Variants in EXOC4 observed in about 807,000 individuals in gnomAD.
The protein encoded by EXOC4 is SEC8-like 1.
In EXOC4, 71 loss-of-function variants were observed where a neutral mutation model predicts 107.2. That is an observed-to-expected ratio of 0.66 (90% confidence interval 0.55 to 0.81). The LOEUF (loss-of-function observed/expected upper bound fraction) is 0.81. EXOC4 is among the 30% of genes least tolerant of loss of function. EXOC4 has a pLI of 0.00. For synonymous variants in EXOC4, 456 were observed against 441.2 expected, an observed-to-expected ratio of 1.03 and a Z score of -0.42; for missense variants, 1,108 against 1,189.6, an observed-to-expected ratio of 0.93 and a Z score of 1.01.
chr7:134,074,587 G>A, the EXOC4 span, among the ~76,000 whole-genome samples: 1 of 152,206 alleles, frequency 6.6e-6, no homozygotes, highest in East Asian at 1.9e-4. Flanking sequence ...AAAGGGAGGA[G>A]GCCCAAGAGG....
At chr7:133,908,526 G>C (rs1354211406) in intron 12 of EXOC4, among the ~76,000 whole-genome samples, 2 of 152,232 alleles carry the variant, frequency 1.3e-5, no homozygotes, top group Non-Finnish European at 1.5e-5. Context: ...AGAACAGCGG[G>C]TCTGGGTTCA....
At chr7:133,378,040 A>G (rs1036965813) in intron 7 of EXOC4, among the ~76,000 whole-genome samples, 1 of 151,970 alleles carries the variant, frequency 6.6e-6, no homozygotes, top group South Asian at 2.1e-4. Flanking sequence ...GCCATGCGCG[A>G]TGGCTCATGC....
At position 134,064,800 on chromosome 7, in the gene EXOC4, G is replaced by A; in HGVS notation, c.*272G>A. 1 of 233,062 alleles carries A rather than the reference G, an allele frequency of 4.3e-6. No individual in the cohort carries two copies. 14.4% of individuals were successfully genotyped at this position (233,062 alleles called of 1,614,324 possible). On this transcript the variant is annotated 3_prime_UTR_variant, in exon 18 of 18. Coordinates refer to ENST00000253861, the MANE Select transcript of EXOC4 (RefSeq NM_021807.4). ...GGGAGGAAGGTGGTATCAAATTGTTGGACTCTGAAAAACAAGTGGATGGAT... is the reference window on the plus strand; with the variant it reads ...GGGAGGAAGGTGGTATCAAATTGTTAGACTCTGAAAAACAAGTGGATGGAT...
intron 9 of EXOC4, among the ~76,000 whole-genome samples, chr7:133,502,356 A>G (rs1021770894): frequency 1.3e-5 from 2 of 152,146 alleles, no homozygotes; most frequent in African/African-American, 4.8e-5. Flanking sequence ...TTAGAAGCAC[A>G]GCAATATTGT....
chr7:133,821,724 C>A (rs1399686469), intron 11 of EXOC4, among the ~76,000 whole-genome samples: 2 of 152,194 alleles, frequency 1.3e-5, no homozygotes, highest in Non-Finnish European at 2.9e-5. Context: ...ACAGAACCAT[C>A]ACTTTTACCC....
chr7:133,484,615 A>G (rs984808347), intron 9 of EXOC4, among the ~76,000 whole-genome samples: 1 of 152,180 alleles, frequency 6.6e-6, no homozygotes, highest in African/African-American at 2.4e-5. Flanking sequence ...TATCAATGAC[A>G]TTCTGCCTCA....
chr7:133,325,187 A>G (rs544356039), intron 5 of EXOC4, among the ~76,000 whole-genome samples: 1 of 152,244 alleles, frequency 6.6e-6, no homozygotes, highest in East Asian at 1.9e-4. Flanking sequence ...GTTTCTTTTC[A>G]TTGGAGCATT....
intron 9 of EXOC4, among the ~76,000 whole-genome samples, chr7:133,616,331 T>G (rs1383824578): frequency 6.6e-6 from 1 of 152,158 alleles, no homozygotes; most frequent in Non-Finnish European, 1.5e-5. Context: ...GGATTATGGC[T>G]GTTGCTTATG....
intron 10 of EXOC4, among the ~76,000 whole-genome samples, chr7:133,646,612 G>A (rs1443903327): frequency 6.6e-6 from 1 of 152,246 alleles, no homozygotes; most frequent in Middle Eastern, 3.4e-3. Context: ...GGAGTTTGAT[G>A]AAATATATGT....
intron 13 of EXOC4, among the ~76,000 whole-genome samples, chr7:133,920,497 G>A (rs531259025): frequency 1.1e-3 from 165 of 151,718 alleles, no homozygotes; most frequent in African/African-American, 3.8e-3. Flanking sequence ...TGCATTCATC[G>A]TATACATTTA....
At chr7:133,946,492 A>T (rs1209173279) in intron 14 of EXOC4, among the ~76,000 whole-genome samples, 7 of 152,224 alleles carry the variant, frequency 4.6e-5, no homozygotes, top group Non-Finnish European at 8.8e-5. Flanking sequence ...GTTTTGTAGG[A>T]ACAAAAGCAC....
Position 133,638,511 on chromosome 7 carries a change from G to A in EXOC4, c.1514+8370G>A, listed in dbSNP as rs74523118. On this transcript the variant is annotated intron_variant, in intron 10 of 17. Transcript: ENST00000253861. ...GTCAAGGAGTATAGTTGACTTCTGT[G>A]TCGCTTCAGCATTGACTTTCTTCTT... Among the ~76,000 whole-genome samples, 57 of 152,234 alleles carry A rather than the reference G, an allele frequency of 3.7e-4. No individual in the cohort carries two copies. In the East Asian group the frequency reaches 7.3e-3, roughly 20 times the overall value.
In EXOC4 at chr7:133,663,715, C is replaced by T. The variant is rs116766484; in HGVS notation, c.1514+33574C>T. On this transcript the variant is annotated intron_variant, in intron 10 of 17. Coordinates refer to ENST00000253861, the MANE Select transcript of EXOC4 (RefSeq NM_021807.4). ...AAATATCCAGAATCTAACCATTGCT[C>T]ACCACCTTCATAACTACTGCCCTGG... Among the ~76,000 whole-genome samples, 1,267 of 152,242 alleles carry T rather than the reference C, an allele frequency of 8.3e-3. 25 individuals are homozygous for T. Among genetic ancestry groups the T allele is most frequent in the African/African-American group, 0.028 (1,172 of 41,534 alleles).
rs911447340 is a variant in EXOC4, at chr7:133,687,031, G to C, written c.1514+56890G>C. On this transcript the variant is annotated intron_variant, in intron 10 of 17. Transcript: ENST00000253861. ...TGTGTGTGTGTGTGTGTGTGTGTGT[G>C]TGTGTGTCTGTGTGTGTGTGTGATG... 4.1e-4 allele frequency among the ~76,000 whole-genome samples: 60 copies of C among 147,276 alleles called. 1 individual carries two copies. The highest frequency in any genetic ancestry group is 1.3e-3 in the African/African-American group (50 of 39,434).
At chr7:133,557,034 A>G (rs1039522672) in intron 9 of EXOC4, among the ~76,000 whole-genome samples, 3 of 152,178 alleles carry the variant, frequency 2.0e-5, no homozygotes, top group Non-Finnish European at 1.5e-5. Flanking sequence ...ACCTTTAGAA[A>G]TTCTAAGTGC....
chr7:133,837,052 G>A (rs1366255942), intron 11 of EXOC4, among the ~76,000 whole-genome samples: 1 of 152,046 alleles, frequency 6.6e-6, no homozygotes, highest in Non-Finnish European at 1.5e-5. Context: ...TTTGAAATCT[G>A]ACTTATTATT....
intron 17 of EXOC4, among the ~76,000 whole-genome samples, chr7:134,042,909 T>C (rs1181569076): frequency 6.6e-6 from 1 of 152,192 alleles, no homozygotes; most frequent in African/African-American, 2.4e-5. Context: ...TGGTGGCGCA[T>C]GCCTGTAATC....
At chr7:134,079,858 C>T in the EXOC4 span, among the ~76,000 whole-genome samples, 1 of 152,186 alleles carries the variant, frequency 6.6e-6, no homozygotes, top group African/African-American at 2.4e-5. Context: ...CCTCAGAGCA[C>T]AAGGATGCTA....
At chr7:133,866,820 T>G (rs1393525221) in intron 11 of EXOC4, among the ~76,000 whole-genome samples, 1 of 152,230 alleles carries the variant, frequency 6.6e-6, no homozygotes. Context: ...TGTGAAGTGA[T>G]GCTGACAATC....
Sources: gnomAD v4.1 joint callset for allele counts (sites outside exome capture counted in the v4.1 genomes callset) on GRCh38, gnomAD v4.1.1 for gene constraint, MANE v1.5 for transcripts, NCBI Gene and HGNC (gene_info 2026-07-23, HGNC 2026-07-21) for gene names.